Variants in SPATA7 observed in about 807,000 individuals in gnomAD.
SPATA7 encodes spermatogenesis-associated protein 7.
In SPATA7, 43 loss-of-function variants were observed where a neutral mutation model predicts 51.8. The observed-to-expected ratio is 0.83, with a 90% CI of 0.65 to 1.07. The LOEUF (loss-of-function observed/expected upper bound fraction) is 1.07. SPATA7 is among the 50% of genes least tolerant of loss of function. The probability of loss-of-function intolerance (pLI) is 0.00; values close to 1 mark genes in which losing one functional copy is unlikely to be tolerated. For synonymous variants in SPATA7, 230 were observed against 252.8 expected (o/e 0.91, Z 0.86); for missense variants, 683 against 701.3 (o/e 0.97, Z 0.30).
In SPATA7 at chr14:88,438,264, G is replaced by A. The variant is rs1257408073; in HGVS notation, c.1642G>A (p.Glu548Lys). Reference sequence around the variant, plus strand: ...TGTCATTGAAGGTGATAGTGACCCTGAAAAGGTTGAGATTTCAAATGGATT... The same window carrying A: ...TGTCATTGAAGGTGATAGTGACCCTAAAAAGGTTGAGATTTCAAATGGATT... ...VNVIEGDSDP[E>K]KVEISNGLCG... Residue 548 changes from glutamate to lysine, a missense_variant, in exon 12 of 12, where the codon GAA becomes AAA. Physicochemically the swap from Glu to Lys is moderately conservative, Grantham distance 56. Transcript: ENST00000393545. 1.9e-6 allele frequency: 3 copies of A among 1,614,114 alleles called. No homozygotes were observed. Among genetic ancestry groups the A allele is most frequent in the Non-Finnish European group, 2.5e-6 (3 of 1,180,004 alleles).
chr14:88,406,367 A>G (rs2076197677), intron 4 of SPATA7, among the ~76,000 whole-genome samples: 1 of 151,522 alleles, frequency 6.6e-6, no homozygotes, highest in African/African-American at 2.4e-5. Context: ...TTTTATGAAG[A>G]TCCCTTGTAC....
chr14:88,391,608 G>A, intron 2 of SPATA7, 153 bp downstream of exon 2: 1 of 731,096 alleles, frequency 1.4e-6, no homozygotes, highest in Non-Finnish European at 2.4e-6. Context: ...GCGTTCTTGA[G>A]ATTAGAGAAT....
chr14:88,447,367 C>T (rs987871567), intron 3 of SPATA7, among the ~76,000 whole-genome samples: 13 of 149,736 alleles, frequency 8.7e-5, no homozygotes, highest in African/African-American at 3.2e-4. Flanking sequence ...TTATTTTGAG[C>T]CTATGTGTGT....
chr14:88,390,121 A>G (rs2139861235), intron 1 of SPATA7, among the ~76,000 whole-genome samples: 1 of 152,342 alleles, frequency 6.6e-6, no homozygotes, highest in South Asian at 2.1e-4. Flanking sequence ...GGAGAATTAT[A>G]GTATTGTAAG....
intron 5 of SPATA7, among the ~76,000 whole-genome samples, chr14:88,420,715 G>C (rs995036610): frequency 6.6e-5 from 10 of 152,076 alleles, no homozygotes; most frequent in Admixed American, 6.6e-4. Context: ...ACTCTCCTAG[G>C]TTGTTTTGAT....
intron 3 of SPATA7, among the ~76,000 whole-genome samples, chr14:88,445,880 C>T (rs111356991): frequency 7.9e-5 from 12 of 152,164 alleles, no homozygotes; most frequent in Middle Eastern, 3.4e-3. Flanking sequence ...CTGCTGGATT[C>T]GGTTTGCCAG....
In SPATA7 at chr14:88,451,464, C is replaced by T. The variant is rs117992433; in HGVS notation, c.178-3596C>T. On this transcript the variant is annotated intron_variant, in intron 3 of 3. Coordinates refer to the SPATA7 transcript ENST00000554802. ...GATTGCAGGCGTGAGCCACTGCTCC[C>T]GGCCGTGATTGTTTTTTACTTATGC... Among the ~76,000 whole-genome samples the T allele has an allele frequency of 1.9e-3, 291 of 151,188 alleles. 2 individuals carry two copies. The highest frequency in any genetic ancestry group is 3.2e-3 in the Non-Finnish European group (216 of 67,800).
chr14:88,388,150 C>A (rs1302319354), intron 1 of SPATA7, among the ~76,000 whole-genome samples: 4 of 151,904 alleles, frequency 2.6e-5, no homozygotes, highest in Admixed American at 2.6e-4. Flanking sequence ...TGCAGTGAGC[C>A]AAGATCATGC....
intron 5 of SPATA7, among the ~76,000 whole-genome samples, chr14:88,425,486 C>G (rs2076763672): frequency 6.6e-6 from 1 of 151,920 alleles, no homozygotes; most frequent in Non-Finnish European, 1.5e-5. Context: ...CAGATGTGTC[C>G]GTAAGGGCTG....
chr14:88,449,591 T>C (rs1021698353), intron 3 of SPATA7, among the ~76,000 whole-genome samples: 10 of 152,176 alleles, frequency 6.6e-5, no homozygotes, highest in African/African-American at 2.2e-4. Context: ...CTGTTTAGTT[T>C]ATTTGTTCTA....
Position 88,437,547 on chromosome 14 carries a change from T to TCA in SPATA7, c.1165_1166insCA (p.Leu389SerfsTer2), listed in dbSNP as rs2077122092. 1 of 1,610,224 alleles carries TCA rather than the reference T, an allele frequency of 6.2e-7. No homozygotes were observed. The highest frequency in any genetic ancestry group is 1.3e-5 in the African/African-American group (1 of 74,878). The stretch of plus-strand genomic sequence containing the variant: ...ATTTTTGTTTATCATTTGTAGGTTT[T>TCA]TAGAACGACTGTTCGAGCGACATAT... On this transcript the variant is annotated frameshift_variant, in exon 11 of 12. Coordinates refer to ENST00000393545, the MANE Select transcript of SPATA7 (RefSeq NM_018418.5). LOFTEE classifies it low-confidence loss of function (END_TRUNC).
chr14:88,404,717 CA>C (rs530269130), intron 4 of SPATA7, among the ~76,000 whole-genome samples: 1 of 151,398 alleles, frequency 6.6e-6, no homozygotes, highest in Admixed American at 6.6e-5. Flanking sequence ...AACTCTGTCT[CA>C]AAAAAAATAA....
chr14:88,408,139 C>G (rs148452688), intron 4 of SPATA7, among the ~76,000 whole-genome samples: 1 of 152,068 alleles, frequency 6.6e-6, no homozygotes, highest in Non-Finnish European at 1.5e-5. Flanking sequence ...TTTTCTAATT[C>G]TGTGAAGAAA....
At chr14:88,456,168 T>C (rs549736452), downstream of SPATA7, among the ~76,000 whole-genome samples, 1 of 152,276 alleles carries the variant, frequency 6.6e-6, no homozygotes, top group African/African-American at 2.4e-5. Flanking sequence ...CTATTATGAA[T>C]AGTGCTGCAA....
downstream of SPATA7, chr14:88,438,484 A>C: frequency 7.9e-7 from 1 of 1,273,158 alleles, no homozygotes; most frequent in Non-Finnish European, 1.1e-6. Flanking sequence ...CCTTTTTTAA[A>C]ATGTATGTAT....
chr14:88,459,748 C>T (rs925991331), downstream of SPATA7, among the ~76,000 whole-genome samples: 15 of 152,140 alleles, frequency 9.9e-5, no homozygotes, highest in Admixed American at 6.6e-4. Context: ...TGAACTTGAT[C>T]CTGTCATTAT....
At chr14:88,456,500 C>T (rs866437526), downstream of SPATA7, among the ~76,000 whole-genome samples, 1 of 151,936 alleles carries the variant, frequency 6.6e-6, no homozygotes, top group Non-Finnish European at 1.5e-5. Context: ...TTTCATGTGT[C>T]TTTTGGCTGC....
intron 3 of SPATA7, among the ~76,000 whole-genome samples, chr14:88,444,275 A>T (rs955518226): frequency 1.3e-5 from 2 of 152,166 alleles, no homozygotes; most frequent in African/African-American, 4.8e-5. Flanking sequence ...GGCTGCATAA[A>T]TGTCTTCTTT....
intron 4 of SPATA7, chr14:88,466,368 G>T (rs576294416): frequency 6.6e-6 from 1 of 152,238 alleles, no homozygotes; most frequent in Non-Finnish European, 1.5e-5. Flanking sequence ...CCTCTTAGGT[G>T]GTTGGTTTCT....
Sources: gnomAD v4.1 joint callset for allele counts (sites outside exome capture counted in the v4.1 genomes callset) on GRCh38, gnomAD v4.1.1 for gene constraint, MANE v1.5 for transcripts, NCBI Gene and HGNC (gene_info 2026-07-23, HGNC 2026-07-21) for gene names.